Variants in TLN2 observed in about 807,000 individuals in gnomAD.
The protein encoded by TLN2 is talin 2.
TLN2 carries 118 observed loss-of-function variants against 294.7 expected under a neutral mutation model. The ratio of observed to expected loss-of-function variants is 0.40; its 90% CI spans 0.34 to 0.47. The LOEUF is 0.47. Ranked by LOEUF, TLN2 falls within the 20% of genes least tolerant of loss-of-function variation. The pLI is 0.84. For missense variants in TLN2, 3,083 were observed against 3,282.2 expected, an observed-to-expected ratio of 0.94 and a Z score of 1.48; for synonymous variants, 1,431 against 1,304.5, an observed-to-expected ratio of 1.10 and a Z score of -2.09.
intron 46 of TLN2, 107 bp from the exon 47 acceptor site, chr15:62,796,020 C>G (rs1373051685): frequency 5.6e-6 from 8 of 1,423,244 alleles, no homozygotes; most frequent in Middle Eastern, 3.6e-4. Context: ...TTGTTAACCT[C>G]TAAGCTACAT....
chr15:62,533,368 C>T (rs974300644), intron 1 of TLN2, among the ~76,000 whole-genome samples: 9 of 150,778 alleles, frequency 6.0e-5, no homozygotes, highest in Admixed American at 6.0e-4. Flanking sequence ...AAGTTAGATT[C>T]AGGGAAAGCT....
intron 1 of TLN2, among the ~76,000 whole-genome samples, chr15:62,444,670 A>G (rs2035727055): frequency 6.6e-6 from 1 of 152,178 alleles, no homozygotes; most frequent in Admixed American, 6.5e-5. Flanking sequence ...TGTTGGAGTC[A>G]TTTGCTTCTA....
chr15:62,729,972 A>G (rs987173937), intron 28 of TLN2, among the ~76,000 whole-genome samples: 7 of 151,508 alleles, frequency 4.6e-5, no homozygotes, highest in African/African-American at 1.7e-4. Flanking sequence ...TGCATAATGC[A>G]AGAATCTTGA....
At chr15:62,710,778 A>AC (rs2059380228) in intron 21 of TLN2, among the ~76,000 whole-genome samples, 1 of 27,176 alleles carries the variant, frequency 3.7e-5, no homozygotes, top group Admixed American at 1.1e-3. Flanking sequence ...CAGGCTGGAG[A>AC]GCAGTGACAC....
At position 62,776,711 on chromosome 15, in the gene TLN2, A is replaced by G; in HGVS notation, c.5368-53A>G. On this transcript the variant is annotated intron_variant, in intron 42 of 58. Transcript: ENST00000636159. ...TACTTTTGAAGGTTATTCTTAGAAG[A>G]CTGAGCACCGCTCTCTTCTGCTTAA... 7 of 1,384,568 alleles carry G rather than the reference A, an allele frequency of 5.1e-6. No individual in the cohort carries two copies. The South Asian group carries it at 1.3e-4, about 26-fold the overall frequency. 85.8% of individuals were successfully genotyped at this position (1,384,568 alleles called of 1,614,324 possible).
intron 54 of TLN2, among the ~76,000 whole-genome samples, chr15:62,821,553 G>A (rs1484810440): frequency 6.6e-6 from 1 of 152,254 alleles, no homozygotes; most frequent in Non-Finnish European, 1.5e-5. Flanking sequence ...CTGGGCCAGT[G>A]TAGTGTATGA....
chr15:62,426,562 C>A (rs1023304953), intron 1 of TLN2, among the ~76,000 whole-genome samples: 6 of 152,184 alleles, frequency 3.9e-5, no homozygotes, highest in Admixed American at 1.3e-4. Context: ...CTGGCGAATT[C>A]TTTGTATGGT....
chr15:62,725,926 C>T (rs914586425), intron 27 of TLN2, among the ~76,000 whole-genome samples: 7 of 152,144 alleles, frequency 4.6e-5, no homozygotes, highest in African/African-American at 1.7e-4. Flanking sequence ...TAGAACAATG[C>T]CTGGTACATA....
At chr15:62,616,659 T>G (rs1235724969) in intron 2 of TLN2, among the ~76,000 whole-genome samples, 1 of 152,226 alleles carries the variant, frequency 6.6e-6, no homozygotes, top group Non-Finnish European at 1.5e-5. Context: ...TGGTGTGAGT[T>G]TCTCCCCAGC....
At position 62,767,549 on chromosome 15, in the gene TLN2, G is replaced by T. The variant is rs368086093; in HGVS notation, c.5196+1127G>T. ...AGACGGGGTTTCTCCGTGTTGGTCA[G>T]GCTGGTCTCAAACTCCCAACCTCAG... On this transcript the variant is annotated intron_variant, in intron 41 of 58. Coordinates refer to ENST00000636159, the MANE Select transcript of TLN2 (RefSeq NM_015059.3). 1.9e-3 allele frequency among the ~76,000 whole-genome samples: 287 copies of T among 152,262 alleles called. 1 individual carries two copies. The highest frequency in any genetic ancestry group is 0.01 in the South Asian group (50 of 4,818).
At chr15:62,420,886 G>A (rs984254054) in intron 1 of TLN2, among the ~76,000 whole-genome samples, 2 of 152,058 alleles carry the variant, frequency 1.3e-5, no homozygotes, top group African/African-American at 4.8e-5. Flanking sequence ...ACAAGATAAG[G>A]GTAATCACTC....
intron 1 of TLN2, among the ~76,000 whole-genome samples, chr15:62,544,334 G>A (rs16945248): frequency 0.12 from 17,643 of 152,072 alleles, 1,629 homozygotes; most frequent in East Asian, 0.44. Context: ...CTCTGGGTTC[G>A]CCAACACTCG....
chr15:62,835,949 A>C lies in TLN2; in HGVS notation c.7250A>C (p.Gln2417Pro). ...SLCEAANASV[Q>P]GHASEEKLIS... ...TGTGAGGCGGCCAATGCCTCCGTTC[A>C]GGGACACGCCAGCGAGGAGAAGCTC... Residue 2417 changes from glutamine to proline, a missense_variant, in exon 57 of 59, where the codon CAG (glutamine) becomes CCG (proline). Transcript: ENST00000636159. 6.2e-7 allele frequency: 1 copy of C among 1,614,206 alleles called. No individual in the cohort carries two copies. The highest frequency in any genetic ancestry group is 8.5e-7 in the Non-Finnish European group (1 of 1,180,042).
intron 1 of TLN2, among the ~76,000 whole-genome samples, chr15:62,460,882 G>T (rs1489505235): frequency 6.6e-6 from 1 of 152,002 alleles, no homozygotes. Flanking sequence ...TACCCCTGCT[G>T]GTGCACCGCC....
At chr15:62,632,572 T>G (rs1366599569) in intron 3 of TLN2, among the ~76,000 whole-genome samples, 5 of 152,092 alleles carry the variant, frequency 3.3e-5, no homozygotes, top group Non-Finnish European at 4.4e-5. Context: ...CAACTCTCAG[T>G]GAGAGTTGCT....
At chr15:62,534,346 A>G (rs2041216705) in intron 1 of TLN2, among the ~76,000 whole-genome samples, 1 of 152,236 alleles carries the variant, frequency 6.6e-6, no homozygotes, top group African/African-American at 2.4e-5. Flanking sequence ...TGAGCTGCTG[A>G]CTGACAGGCT....
chr15:62,711,786 A>G (rs953247933), intron 21 of TLN2, 125 bp from the exon 22 acceptor site: 8 of 1,058,382 alleles, frequency 7.6e-6, no homozygotes, highest in African/African-American at 1.6e-5. Context: ...GGACTAGAGC[A>G]TGGAGGTTCA....
At chr15:62,432,810 A>G (rs1455725702) in intron 1 of TLN2, among the ~76,000 whole-genome samples, 1 of 152,036 alleles carries the variant, frequency 6.6e-6, no homozygotes, top group Non-Finnish European at 1.5e-5. Flanking sequence ...TAGAATGCAT[A>G]TTTATAGAGT....
rs763045450 is a variant in TLN2 at position 62,656,060 on chromosome 15, G to A, written c.634G>A (p.Val212Met). Residue 212 changes from valine (V) to methionine (M), a missense_variant, in exon 8 of 59, where the codon GTG (valine) becomes ATG (methionine). Physicochemically the swap from Val to Met is conservative, Grantham distance 21. Transcript: ENST00000636159. ...SDQNVDSRDP[V>M]QLNLLYVQAR... is the part of the protein sequence containing the mutation. Reference sequence around the variant, plus strand: ...TCAGAATGTAGATTCGAGAGACCCCGTGCAGCTGAACTTGCTTTATGTTCA... The same window carrying A: ...TCAGAATGTAGATTCGAGAGACCCCATGCAGCTGAACTTGCTTTATGTTCA... 14 of 1,614,174 alleles carry A rather than the reference G, an allele frequency of 8.7e-6. 1 individual carries two copies. Among genetic ancestry groups the A allele is most frequent in the East Asian group, 4.5e-5 (2 of 44,884 alleles).
Sources: gnomAD v4.1 joint callset for allele counts (sites outside exome capture counted in the v4.1 genomes callset) on GRCh38, gnomAD v4.1.1 for gene constraint, MANE v1.5 for transcripts, NCBI Gene and HGNC (gene_info 2026-07-23, HGNC 2026-07-21) for gene names.